The following ASTN2 variants were observed in gnomAD, a reference collection of about 807,000 sequenced individuals.
The protein encoded by ASTN2 is astrotactin-2.
In ASTN2, 54 loss-of-function variants were observed where a neutral mutation model predicts 139.8. That is an observed-to-expected ratio of 0.39 (90% CI 0.31 to 0.48). ASTN2 has a LOEUF of 0.48. Ranked by LOEUF, ASTN2 falls within the 20% of genes least tolerant of loss-of-function variation. The pLI is 0.95. For synonymous variants in ASTN2, 756 were observed against 719.5 expected, an observed-to-expected ratio of 1.05 and a Z score of -0.81; for missense variants, 1,565 against 1,725.1, an observed-to-expected ratio of 0.91 and a Z score of 1.64.
intron 16 of ASTN2, among the ~76,000 whole-genome samples, chr9:116,652,176 A>G (rs1341518954): frequency 6.6e-6 from 1 of 151,920 alleles, no homozygotes; most frequent in African/African-American, 2.4e-5. Flanking sequence ...ATACAAAAAA[A>G]TTAGCCAAGC....
chr9:116,688,272 G>A (rs1173929276), intron 16 of ASTN2, among the ~76,000 whole-genome samples: 1 of 152,136 alleles, frequency 6.6e-6, no homozygotes, highest in African/African-American at 2.4e-5. Context: ...GTTGGGGACA[G>A]GGTTTGGAGA....
At chr9:117,406,461 C>T (rs35748843) in intron 1 of ASTN2, among the ~76,000 whole-genome samples, 6,322 of 152,194 alleles carry the variant, frequency 0.042, 164 homozygotes, top group Non-Finnish European at 0.062. Context: ...TTCTTTTCTT[C>T]TCTGACGTCT....
chr9:116,760,095 C>T (rs1829637345), intron 13 of ASTN2, among the ~76,000 whole-genome samples: 1 of 152,146 alleles, frequency 6.6e-6, no homozygotes, highest in African/African-American at 2.4e-5. Context: ...AATAAGATAT[C>T]ATTATTATCA....
chr9:117,075,486 T>G, intron 5 of ASTN2, among the ~76,000 whole-genome samples: 7 of 99,118 alleles, frequency 7.1e-5, no homozygotes, highest in South Asian at 4.0e-4. Flanking sequence ...GGTGGGCAGA[T>G]GGAGGGGAAG....
chr9:117,297,592 G>T (rs1465395979), intron 1 of ASTN2, among the ~76,000 whole-genome samples: 2 of 152,178 alleles, frequency 1.3e-5, no homozygotes, highest in African/African-American at 4.8e-5. Context: ...GCTTGGGCTA[G>T]GTTAAGGCAA....
At chr9:116,598,670 G>A (rs1854710763) in intron 19 of ASTN2, among the ~76,000 whole-genome samples, 1 of 152,306 alleles carries the variant, frequency 6.6e-6, no homozygotes, top group Admixed American at 6.5e-5. Context: ...ATTATTGTGA[G>A]AATTAAATGA....
intron 11 of ASTN2, among the ~76,000 whole-genome samples, chr9:116,830,357 A>G (rs889836955): frequency 1.3e-5 from 2 of 152,226 alleles, no homozygotes; most frequent in Non-Finnish European, 2.9e-5. Context: ...GCTGTGGAGA[A>G]AAAGGAACAC....
rs915274139 is a variant in ASTN2 at position 116,425,222 on chromosome 9, C to T, written c.*629G>A. On this transcript the variant is annotated 3_prime_UTR_variant, in exon 23 of 23. Transcript: ENST00000313400. ...CCCTTGGTAAGAAATACCACCCAAG[C>T]AGAAAGAGAGACAATAGGAATTTTT... 3.5e-6 allele frequency: 1 copy of T among 285,992 alleles called. No individual in the cohort carries two copies. The highest frequency in any genetic ancestry group is 6.5e-6 in the Non-Finnish European group (1 of 153,882). 17.7% of individuals were successfully genotyped at this position (285,992 alleles called of 1,614,324 possible). A position where few individuals can be genotyped will look rare whatever the true frequency, so the allele number is the denominator to read the frequency against.
rs767841816 is a variant in ASTN2, at chr9:116,618,345, T to C, written c.3334A>G (p.Thr1112Ala). Residue 1112 changes from threonine to alanine, a missense_variant, in exon 19 of 23, where the codon ACA (threonine) becomes GCA (alanine). Transcript: ENST00000313400. ...CTACCTGTGTACAGGTCAGTGTCTGTGTATTCATCCACTTTCTTATGCTGC... is the reference window on the plus strand; with the variant it reads ...CTACCTGTGTACAGGTCAGTGTCTGCGTATTCATCCACTTTCTTATGCTGC... ...ILQHKKVDEY[T>A]DTDLYTGEFL... The C allele has an allele frequency of 2.5e-6, 4 of 1,614,006 alleles. No homozygotes were observed. The highest frequency in any genetic ancestry group is 2.2e-5 in the East Asian group (1 of 44,902).
At chr9:117,341,602 G>C (rs1184831739) in intron 1 of ASTN2, among the ~76,000 whole-genome samples, 9 of 152,168 alleles carry the variant, frequency 5.9e-5, no homozygotes, top group Middle Eastern at 3.2e-3. Flanking sequence ...CCTTTTATCT[G>C]GGTCTTTTTA....
At chr9:117,151,901 G>A (rs1341678738) in intron 3 of ASTN2, among the ~76,000 whole-genome samples, 1 of 152,092 alleles carries the variant, frequency 6.6e-6, no homozygotes, top group Non-Finnish European at 1.5e-5. Context: ...CCTACTGCCT[G>A]GCCCCACTCT....
At chr9:116,525,460 C>T (rs992955697) in intron 19 of ASTN2, among the ~76,000 whole-genome samples, 5 of 152,180 alleles carry the variant, frequency 3.3e-5, no homozygotes, top group Non-Finnish European at 7.3e-5. Context: ...ACTTCCTCAT[C>T]GGCCCTCCCC....
chr9:116,799,558 C>T (rs774018599), intron 13 of ASTN2, among the ~76,000 whole-genome samples: 1 of 152,076 alleles, frequency 6.6e-6, no homozygotes, highest in Non-Finnish European at 1.5e-5. Flanking sequence ...AGTCCCCATT[C>T]CCAAGCAGCT....
At chr9:116,636,071 A>G (rs1375472982) in intron 17 of ASTN2, among the ~76,000 whole-genome samples, 1 of 152,222 alleles carries the variant, frequency 6.6e-6, no homozygotes, top group Non-Finnish European at 1.5e-5. Flanking sequence ...CAAAGGCTCT[A>G]TTCTTTGCAT....
chr9:117,115,891 G>T (rs930002914), intron 4 of ASTN2, among the ~76,000 whole-genome samples: 1 of 152,016 alleles, frequency 6.6e-6, no homozygotes, highest in Admixed American at 6.5e-5. Flanking sequence ...TGGGCGTAGT[G>T]GTGGGCGCCT....
chr9:116,721,304 A>G (rs1468142394), intron 16 of ASTN2, among the ~76,000 whole-genome samples: 5 of 152,214 alleles, frequency 3.3e-5, no homozygotes, highest in African/African-American at 1.2e-4. Flanking sequence ...TTTATCTCCA[A>G]ATGAGAAAGT....
chr9:116,626,826 T>C (rs1856491202), intron 17 of ASTN2, among the ~76,000 whole-genome samples: 1 of 152,072 alleles, frequency 6.6e-6, no homozygotes, highest in Non-Finnish European at 1.5e-5. Flanking sequence ...CAGGAAGGAT[T>C]GAAGAGGTTA....
At chr9:116,913,650 C>T (rs539309202) in intron 10 of ASTN2, among the ~76,000 whole-genome samples, 1 of 152,326 alleles carries the variant, frequency 6.6e-6, no homozygotes, top group South Asian at 2.1e-4. Context: ...AAAGAATATA[C>T]TCCCTTTTAT....
In ASTN2 at chr9:116,621,441, G is replaced by GCA. The variant is rs10547546; in HGVS notation, c.3073-1000_3073-999dup. Among the ~76,000 whole-genome samples, 1,249 of 148,006 alleles carry GCA rather than the reference G, an allele frequency of 8.4e-3. 4 individuals are homozygous for GCA. Among genetic ancestry groups the GCA allele is most frequent in the African/African-American group, 0.019 (753 of 40,112 alleles). On this transcript the variant is annotated intron_variant, in intron 17 of 22. Coordinates refer to ENST00000313400, the MANE Select transcript of ASTN2 (RefSeq NM_001365068.1). The stretch of plus-strand genomic sequence containing the variant: ...CACACACACACACACACACATGCAC[G>GCA]CACACACACACACACACACACACAT...
Sources: allele counts gnomAD v4.1 joint callset (sites outside exome capture counted in the v4.1 genomes callset), GRCh38; gene constraint gnomAD v4.1.1; transcripts MANE v1.5; gene names NCBI Gene and HGNC (gene_info 2026-07-23, HGNC 2026-07-21).